Variants in CD99 observed in about 807,000 individuals in gnomAD.
CD99 encodes CD99 molecule (Xg blood group).
In CD99, 19 loss-of-function variants were observed where a neutral mutation model predicts 28.4. The observed-to-expected ratio is 0.67, with a 90% CI of 0.47 to 0.98. The LOEUF (loss-of-function observed/expected upper bound fraction) is 0.98. Among genes scored for constraint, CD99 ranks in the 50% least tolerant of loss-of-function variants. The probability of loss-of-function intolerance (pLI) is 0.00; values close to 1 mark genes in which losing one functional copy is unlikely to be tolerated. For synonymous variants in CD99, 103 were observed against 92.1 expected (o/e 1.12, Z -0.67); for missense variants, 283 against 248.8 (o/e 1.14, Z -0.92).
chrX:2,715,763 C>T (rs28808107), intron 2 of CD99, among the ~76,000 whole-genome samples: 3,546 of 151,580 alleles, frequency 0.023, 123 homozygotes, highest in African/African-American at 0.079. Context: ...GAGGGCTTCA[C>T]GTGTCCCTGT....
intron 7 of CD99, 27 bp from the exon 8 acceptor site, chrX:2,726,233 C>T (rs1022382900): frequency 7.0e-7 from 1 of 1,428,858 alleles, no homozygotes; most frequent in Non-Finnish European, 9.9e-7. Flanking sequence ...GTGTCTCAAT[C>T]ACGATGCTGT....
intron 2 of CD99, among the ~76,000 whole-genome samples, chrX:2,716,313 A>G (rs2048713714): frequency 6.6e-6 from 1 of 151,494 alleles, no homozygotes; most frequent in South Asian, 2.1e-4. Flanking sequence ...CACTGAGCCC[A>G]GCCACCCTCT....
At chrX:2,709,191 A>G (rs865785003) in intron 1 of CD99, among the ~76,000 whole-genome samples, 6 of 76,464 alleles carry the variant, frequency 7.8e-5, no homozygotes, top group Non-Finnish European at 2.4e-4. Context: ...ATGCACACAT[A>G]CACAGGCACA....
chrX:2,719,102 A>G (rs765362505), intron 3 of CD99: 1 of 153,688 alleles, frequency 6.5e-6, no homozygotes, highest in South Asian at 2.0e-4. Flanking sequence ...TGGGTTTTCA[A>G]AATCATTCTT....
chrX:2,726,262 G>C lies in CD99; in HGVS notation c.364G>C (p.Asp122His). The C allele has an allele frequency of 6.2e-7, 1 of 1,603,924 alleles. No homozygotes were observed. The highest frequency in any genetic ancestry group is 1.3e-5 in the African/African-American group (1 of 74,808). The change falls in exon 8 of 10, where the codon GAC (aspartate) becomes CAC (histidine). Residue 122 changes from aspartate (D) to histidine (H), a missense_variant and splice_region_variant. Transcript: ENST00000381192. ...ATGCTGTGTGCTTCCTCCTGCAGCC[G>C]ACGCCCCAGGCGTGATCCCCGGGAT... ...GSHRKEGEEA[D>H]APGVIPGIVG...
intron 2 of CD99, among the ~76,000 whole-genome samples, chrX:2,717,031 T>G (rs2048756277): frequency 6.6e-6 from 1 of 152,090 alleles, no homozygotes; most frequent in Non-Finnish European, 1.5e-5. Context: ...TATGTCTCAG[T>G]CATAGTCCCA....
chrX:2,716,687 G>C (rs952446638), intron 2 of CD99, among the ~76,000 whole-genome samples: 1 of 152,210 alleles, frequency 6.6e-6, no homozygotes, highest in South Asian at 2.1e-4. Flanking sequence ...TTTATGTCCT[G>C]TGGTGCAGTG....
In CD99 at chrX:2,738,046, A is replaced by T. The variant is rs747269974; in HGVS notation, c.476-154A>T. 5 of 768,106 alleles carry T rather than the reference A, an allele frequency of 6.5e-6. No individual in the cohort carries two copies. In the Admixed American group the frequency reaches 9.3e-5, roughly 14 times the overall value. 47.6% of individuals were successfully genotyped at this position (768,106 alleles called of 1,614,324 possible). A position where few individuals can be genotyped will look rare whatever the true frequency, so the allele number is the denominator to read the frequency against. On this transcript the variant is annotated intron_variant, in intron 8 of 9. Transcript: ENST00000381192. ...TTCACTTACATGAGTGTTAGACTCC[A>T]TGTTCCCAGTGGGTCTCGGGGTTCA... is the stretch of plus-strand genomic sequence containing the variant.
intron 1 of CD99, among the ~76,000 whole-genome samples, chrX:2,693,534 T>C: frequency 6.6e-6 from 1 of 152,112 alleles, no homozygotes; most frequent in East Asian, 1.9e-4. Context: ...TAATACACGT[T>C]TCATCGGGAA....
chrX:2,726,251 C>T lies in CD99; in HGVS notation c.362-9C>T, dbSNP rs193254505. ...TCTCAATCACGATGCTGTGTGCTTC[C>T]TCCTGCAGCCGACGCCCCAGGCGTG... On this transcript the variant is annotated splice_polypyrimidine_tract_variant and intron_variant, in intron 7 of 9. Transcript: ENST00000381192. 2.5e-4 allele frequency: 399 copies of T among 1,582,662 alleles called. 1 individual carries two copies. The African/African-American group carries it at 4.6e-3, about 18-fold the overall frequency.
In CD99 at chrX:2,696,464, G is replaced by A. The variant is rs1182706556; in HGVS notation, c.67+5037G>A. ...TCCCCAGGCTGGAGTGCGATGGTGC[G>A]ATCTCGGCTCACTGCAACCTCTGCC... On this transcript the variant is annotated intron_variant, in intron 1 of 9. Transcript: ENST00000381192. Among the ~76,000 whole-genome samples the A allele has an allele frequency of 2.8e-4, 42 of 152,062 alleles. 1 individual carries two copies. The highest frequency in any genetic ancestry group is 2.5e-3 in the Admixed American group (38 of 15,270).
At chrX:2,693,577 C>T (rs1313259859) in intron 1 of CD99, among the ~76,000 whole-genome samples, 1 of 152,156 alleles carries the variant, frequency 6.6e-6, no homozygotes, top group African/African-American at 2.4e-5. Flanking sequence ...GCTCAGAACA[C>T]ACTTTCTTAT....
intron 1 of CD99, among the ~76,000 whole-genome samples, chrX:2,713,131 TAC>T (rs59024224): frequency 6.6e-6 from 1 of 151,120 alleles, no homozygotes; most frequent in African/African-American, 2.4e-5. Flanking sequence ...CGCCTACACA[TAC>T]ACACACAAAC....
intron 1 of CD99, among the ~76,000 whole-genome samples, chrX:2,698,010 C>T (rs908955857): frequency 6.6e-6 from 1 of 151,798 alleles, no homozygotes; most frequent in Non-Finnish European, 1.5e-5. Flanking sequence ...GAGGTCTTTA[C>T]TCAAGAGGCT....
At chrX:2,717,934 TC>T (rs2048808313) in intron 3 of CD99, 2 of 360,412 alleles carry the variant, frequency 5.5e-6, no homozygotes, top group Admixed American at 4.8e-5. Flanking sequence ...TAGATTTTCT[TC>T]CCTTTTTTTT....
Position 2,721,876 on chromosome X carries a change from G to A in CD99, c.263-751G>A, listed in dbSNP as rs144361389. On this transcript the variant is annotated intron_variant, in intron 5 of 9. Transcript: ENST00000381192. ...AAGCAAATCTGAGTCAACTCCATGC[G>A]CTATTTTTATTCCTTTGAAGACATT... Among the ~76,000 whole-genome samples the A allele has an allele frequency of 3.5e-4, 54 of 152,144 alleles. No homozygotes were observed. The East Asian group carries it at 0.01, about 29-fold the overall frequency.
At chrX:2,731,823 T>C (rs1218067957) in intron 8 of CD99, among the ~76,000 whole-genome samples, 1 of 152,150 alleles carries the variant, frequency 6.6e-6, no homozygotes. Context: ...TGAGAAGCTT[T>C]GCAGTGTTAT....
intron 5 of CD99, among the ~76,000 whole-genome samples, chrX:2,722,337 TGA>T: frequency 6.6e-6 from 1 of 152,324 alleles, no homozygotes; most frequent in South Asian, 2.1e-4. Flanking sequence ...TGTTTTGTTT[TGA>T]GACTGAGTTT....
At chrX:2,740,384 A>G (rs977856150) in intron 9 of CD99, among the ~76,000 whole-genome samples, 1 of 152,176 alleles carries the variant, frequency 6.6e-6, no homozygotes, top group Non-Finnish European at 1.5e-5. Flanking sequence ...CATGCAGAAT[A>G]AAGTTTCCAA....
Sources: allele counts gnomAD v4.1 joint callset (sites outside exome capture counted in the v4.1 genomes callset), GRCh38; gene constraint gnomAD v4.1.1; transcripts MANE v1.5; gene names NCBI Gene and HGNC (gene_info 2026-07-23, HGNC 2026-07-21).